The following SUCLG2 variants were observed in gnomAD, a reference collection of about 807,000 sequenced individuals.
SUCLG2 encodes the protein succinate-CoA ligase GDP-forming subunit beta.
Under a neutral mutation model 47.9 loss-of-function variants are expected in SUCLG2, and 42 were observed. The ratio of observed to expected loss-of-function variants is 0.88; its 90% confidence interval spans 0.69 to 1.14. The LOEUF (loss-of-function observed/expected upper bound fraction) is 1.14, where lower values mean the gene tolerates loss of function less well. Ranked by LOEUF, SUCLG2 falls within the 50% of genes most tolerant of loss-of-function variation. SUCLG2 has a pLI of 0.00. For missense variants in SUCLG2, 571 were observed against 525.9 expected (o/e 1.09, Z -0.84); for synonymous variants, 195 against 197.3 (o/e 0.99, Z 0.10).
intron 2 of SUCLG2, among the ~76,000 whole-genome samples, chr3:67,543,617 A>T (rs1377108200): frequency 6.6e-6 from 1 of 152,188 alleles, no homozygotes; most frequent in Non-Finnish European, 1.5e-5. Flanking sequence ...GTGAGCCATG[A>T]TTATGTCACT....
chr3:67,516,167 A>G (rs1332432548), intron 6 of SUCLG2, among the ~76,000 whole-genome samples: 1 of 152,198 alleles, frequency 6.6e-6, no homozygotes, highest in Non-Finnish European at 1.5e-5. Context: ...AAAGCCTTTC[A>G]TGGAGTTAGC....
chr3:67,519,612 CAAAG>C (rs1706041611), intron 5 of SUCLG2, among the ~76,000 whole-genome samples: 1 of 151,918 alleles, frequency 6.6e-6, no homozygotes, highest in Non-Finnish European at 1.5e-5. Flanking sequence ...ATTATTTAGA[CAAAG>C]AGATTTAAGA....
intron 6 of SUCLG2, among the ~76,000 whole-genome samples, chr3:67,517,571 A>G (rs1469205309): frequency 6.6e-6 from 1 of 152,188 alleles, no homozygotes; most frequent in Non-Finnish European, 1.5e-5. Flanking sequence ...GGGCTGGAAC[A>G]AAGGCAGAGC....
At chr3:67,602,592 T>C (rs1474791986) in intron 2 of SUCLG2, among the ~76,000 whole-genome samples, 1 of 152,122 alleles carries the variant, frequency 6.6e-6, no homozygotes, top group African/African-American at 2.4e-5. Flanking sequence ...AAAAGGGGGA[T>C]CTCTTTGCAA....
rs755566846 is a variant in SUCLG2 at position 67,609,584 on chromosome 3, T to C, written c.97A>G (p.Thr33Ala). The change falls in exon 2 of 11, where the codon ACC (threonine) becomes GCC (alanine). Residue 33 changes from threonine (T) to alanine (A), a missense_variant. By Grantham distance (58) the Thr-to-Ala change is moderately conservative. Transcript: ENST00000307227. ...TGCAGGTTCAGCCATCTTCTGGAGG[T>C]TAATTGAACTGCCTACAGAAATTGA... ...LAAGSQAVQL[T>A]SRRWLNLQEY... 1 of 1,613,390 alleles carries C rather than the reference T, an allele frequency of 6.2e-7. No individual in the cohort carries two copies. The highest frequency in any genetic ancestry group is 1.3e-5 in the African/African-American group (1 of 74,864).
intron 2 of SUCLG2, among the ~76,000 whole-genome samples, chr3:67,540,226 C>T (rs561100760): frequency 2.5e-4 from 38 of 151,924 alleles, no homozygotes; most frequent in South Asian, 1.2e-3. Context: ...ACACTCACTG[C>T]CTTAGCTGTG....
At chr3:67,468,126 C>T (rs1704518834) in intron 9 of SUCLG2, among the ~76,000 whole-genome samples, 1 of 151,942 alleles carries the variant, frequency 6.6e-6, no homozygotes, top group African/African-American at 2.4e-5. Flanking sequence ...TCTGAGGAGG[C>T]AAAAAAATCG....
chr3:67,626,166 G>C (rs181878291), intron 1 of SUCLG2, among the ~76,000 whole-genome samples: 1 of 151,924 alleles, frequency 6.6e-6, no homozygotes, highest in Non-Finnish European at 1.5e-5. Flanking sequence ...AGTAATTTTT[G>C]TATTTTTACT....
chr3:67,579,557 T>C (rs1707830440), intron 2 of SUCLG2, among the ~76,000 whole-genome samples: 1 of 152,170 alleles, frequency 6.6e-6, no homozygotes, highest in Admixed American at 6.5e-5. Context: ...TGCCACTAAA[T>C]TACAAACCAA....
intron 9 of SUCLG2, among the ~76,000 whole-genome samples, chr3:67,420,978 T>C (rs1703144237): frequency 6.6e-6 from 1 of 152,206 alleles, no homozygotes; most frequent in South Asian, 2.1e-4. Flanking sequence ...TAAGAATAGT[T>C]AACTTTTTAT....
At chr3:67,384,825 G>C (rs1442890924) in intron 10 of SUCLG2, among the ~76,000 whole-genome samples, 1 of 152,212 alleles carries the variant, frequency 6.6e-6, no homozygotes, top group African/African-American at 2.4e-5. Flanking sequence ...TATAGCCTCA[G>C]AATCTTTCTT....
chr3:67,427,116 G>C (rs918769458), intron 9 of SUCLG2, among the ~76,000 whole-genome samples: 2 of 152,136 alleles, frequency 1.3e-5, no homozygotes, highest in Non-Finnish European at 1.5e-5. Flanking sequence ...GAATGAAACT[G>C]ATTATTAGTA....
chr3:67,582,581 T>C (rs1707909270), intron 2 of SUCLG2, among the ~76,000 whole-genome samples: 1 of 152,208 alleles, frequency 6.6e-6, no homozygotes, highest in Non-Finnish European at 1.5e-5. Flanking sequence ...TGAACATATA[T>C]GTGCATGTGT....
Position 67,504,334 on chromosome 3 carries a change from C to A in SUCLG2, c.757+4473G>T, listed in dbSNP as rs1388061613. On this transcript the variant is annotated intron_variant, in intron 7 of 10. Transcript: ENST00000307227. The stretch of plus-strand genomic sequence containing the variant: ...ATAAAGACAGAAACAGAGAAACACC[C>A]ACCAACAACATGGGCACTTGCTAAC... 4.6e-5 allele frequency among the ~76,000 whole-genome samples: 7 copies of A among 152,090 alleles called. No homozygotes were observed. The East Asian group carries it at 1.3e-3, about 29-fold the overall frequency.
chr3:67,582,704 A>G (rs1440805596), intron 2 of SUCLG2, among the ~76,000 whole-genome samples: 1 of 152,172 alleles, frequency 6.6e-6, no homozygotes, highest in Non-Finnish European at 1.5e-5. Context: ...TGTTTTCCAC[A>G]AAGGCTGAAC....
intron 1 of SUCLG2, among the ~76,000 whole-genome samples, chr3:67,620,786 G>A (rs1700723288): frequency 1.3e-5 from 2 of 151,998 alleles, no homozygotes; most frequent in African/African-American, 4.8e-5. Flanking sequence ...CCAAGGCTCT[G>A]GGGTAGGAAA....
At chr3:67,452,952 GTAT>G (rs984032327) in intron 9 of SUCLG2, among the ~76,000 whole-genome samples, 2 of 152,084 alleles carry the variant, frequency 1.3e-5, no homozygotes, top group Admixed American at 6.6e-5. Flanking sequence ...GGAGCCTCTG[GTAT>G]TATTTTCTTT....
chr3:67,629,249 C>A lies in SUCLG2; in HGVS notation c.85-19653G>T, dbSNP rs545589387. Among the ~76,000 whole-genome samples, 5 of 152,330 alleles carry A rather than the reference C, an allele frequency of 3.3e-5. No homozygotes were observed. The South Asian group carries it at 1.0e-3, about 32-fold the overall frequency. On this transcript the variant is annotated intron_variant, in intron 1 of 10. Transcript: ENST00000307227. Reference sequence around the variant, plus strand: ...GTCCAAAAATTCCATTCAATTCTCACACTAACTCCCAGAGTTAGCACAAAC... The same window carrying A: ...GTCCAAAAATTCCATTCAATTCTCAAACTAACTCCCAGAGTTAGCACAAAC...
intron 9 of SUCLG2, among the ~76,000 whole-genome samples, chr3:67,464,013 G>A (rs1308872752): frequency 6.6e-6 from 1 of 152,198 alleles, no homozygotes; most frequent in East Asian, 1.9e-4. Context: ...ATCTCTTTCT[G>A]TGCATTTGAA....
Sources: gnomAD v4.1 joint callset for allele counts (sites outside exome capture counted in the v4.1 genomes callset) on GRCh38, gnomAD v4.1.1 for gene constraint, MANE v1.5 for transcripts, NCBI Gene and HGNC (gene_info 2026-07-23, HGNC 2026-07-21) for gene names.